The following LINGO2 variants were observed in gnomAD, a reference collection of about 807,000 sequenced individuals.
The protein encoded by LINGO2 is leucine-rich repeat and immunoglobulin-like domain-containing nogo receptor-interacting protein 2.
Under a neutral mutation model 30.6 loss-of-function variants are expected in LINGO2, and 14 were observed. The observed-to-expected ratio is 0.46, with a 90% CI of 0.30 to 0.72. The LOEUF (loss-of-function observed/expected upper bound fraction) is 0.72, where lower values mean the gene tolerates loss of function less well. Among genes scored for constraint, LINGO2 ranks in the 30% least tolerant of loss-of-function variants. The pLI, the probability that LINGO2 is intolerant of heterozygous loss-of-function variation, is 0.07. For missense variants in LINGO2, 729 were observed against 751.7 expected (o/e 0.97, Z 0.35); for synonymous variants, 317 against 288.5 (o/e 1.10, Z -1.00).
intron 4 of LINGO2, among the ~76,000 whole-genome samples, chr9:28,178,088 C>T (rs73645606): frequency 2.0e-5 from 3 of 152,142 alleles, no homozygotes; most frequent in South Asian, 2.1e-4. Context: ...AGCCTACTAT[C>T]GGCCTCCCAT....
At chr9:28,544,358 T>C (rs1008567421) in intron 1 of LINGO2, among the ~76,000 whole-genome samples, 5 of 152,158 alleles carry the variant, frequency 3.3e-5, no homozygotes, top group African/African-American at 1.2e-4. Context: ...ATCATACCTG[T>C]AATGCAGTGA....
the LINGO2 span, among the ~76,000 whole-genome samples, chr9:29,143,866 T>C: frequency 3.3e-5 from 5 of 152,166 alleles, no homozygotes; most frequent in African/African-American, 4.8e-5. Context: ...CTGAATTGTA[T>C]TGCCTAGATT....
intron 4 of LINGO2, among the ~76,000 whole-genome samples, chr9:28,059,163 G>C (rs1825059166): frequency 6.6e-6 from 1 of 152,088 alleles, no homozygotes; most frequent in African/African-American, 2.4e-5. Flanking sequence ...TCTAGCCCTA[G>C]ATCGATTGTA....
At chr9:28,227,354 G>A (rs1821206109) in intron 4 of LINGO2, among the ~76,000 whole-genome samples, 1 of 151,934 alleles carries the variant, frequency 6.6e-6, no homozygotes, top group African/African-American at 2.4e-5. Context: ...GCTGCTCAAG[G>A]AAAGAAAAAG....
chr9:28,265,415 T>A (rs1822713598), intron 4 of LINGO2, among the ~76,000 whole-genome samples: 1 of 152,002 alleles, frequency 6.6e-6, no homozygotes, highest in Admixed American at 6.6e-5. Context: ...TAATACATGA[T>A]TCTAAACTAG....
intron 4 of LINGO2, among the ~76,000 whole-genome samples, chr9:28,046,131 A>C (rs988051441): frequency 2.0e-5 from 3 of 152,220 alleles, no homozygotes; most frequent in Admixed American, 2.0e-4. Context: ...GAAGCCATTT[A>C]TTGGCTAAAA....
intron 4 of LINGO2, among the ~76,000 whole-genome samples, chr9:28,053,412 AAC>A (rs927723947): frequency 1.4e-3 from 220 of 152,230 alleles, no homozygotes; most frequent in African/African-American, 5.0e-3. Flanking sequence ...AGCAAACACA[AAC>A]ACATTTTCTA....
At chr9:28,801,227 A>G in the LINGO2 span, among the ~76,000 whole-genome samples, 1 of 152,128 alleles carries the variant, frequency 6.6e-6, no homozygotes, top group African/African-American at 2.4e-5. Flanking sequence ...ATAAGCCAAC[A>G]GCAATGCAAA....
intron 2 of LINGO2, among the ~76,000 whole-genome samples, chr9:28,414,950 A>G (rs918185337): frequency 1.3e-5 from 2 of 152,162 alleles, no homozygotes; most frequent in African/African-American, 4.8e-5. Context: ...GGTTATTTAA[A>G]TAAACATATA....
the LINGO2 span, among the ~76,000 whole-genome samples, chr9:29,114,438 A>G: frequency 6.7e-6 from 1 of 149,774 alleles, no homozygotes; most frequent in Admixed American, 6.7e-5. Context: ...GTTTTAGGAT[A>G]CATGTGCACA....
chr9:28,744,180 T>C, the LINGO2 span, among the ~76,000 whole-genome samples: 1 of 151,806 alleles, frequency 6.6e-6, no homozygotes, highest in African/African-American at 2.4e-5. Context: ...TACTTTATCT[T>C]TGGTTCTTTT....
At chr9:28,623,893 T>C (rs1826531991) in intron 1 of LINGO2, among the ~76,000 whole-genome samples, 1 of 152,192 alleles carries the variant, frequency 6.6e-6, no homozygotes, top group East Asian at 1.9e-4. Context: ...ATAGTTTTCA[T>C]TGTAAAAATC....
rs141028343 is a variant in LINGO2 at position 28,633,122 on chromosome 9, T to G, written c.-365+37078A>C. Among the ~76,000 whole-genome samples, 89 of 152,028 alleles carry G rather than the reference T, an allele frequency of 5.9e-4. 3 individuals carry two copies. The East Asian group carries it at 0.017, about 29-fold the overall frequency. On this transcript the variant is annotated intron_variant, in intron 1 of 5. Coordinates refer to ENST00000379992, the Ensembl canonical transcript of LINGO2. ...CATCTCTCTCCTTTTCATGTTTTTC[T>G]GCCTGCTTTTTATTCTCTGGAAGCT...
chr9:28,742,194 C>T, the LINGO2 span, among the ~76,000 whole-genome samples: 1 of 151,732 alleles, frequency 6.6e-6, no homozygotes. Context: ...TGGAGTGCAC[C>T]TCTTTTCATG....
rs1210655761 is a variant in LINGO2 at position 28,328,813 on chromosome 9, T to C, written c.-245-33447A>G. Among the ~76,000 whole-genome samples, 6 of 152,180 alleles carry C rather than the reference T, an allele frequency of 3.9e-5. No homozygotes were observed. The East Asian group carries it at 7.7e-4, about 20-fold the overall frequency. ...CTATTTTAGTAAGCCAAGAATATCA[T>C]CTCAATATCATACATTGATCAGGTT... On this transcript the variant is annotated intron_variant, in intron 3 of 5. Coordinates refer to ENST00000379992, the Ensembl canonical transcript of LINGO2.
chr9:29,039,851 A>G, the LINGO2 span, among the ~76,000 whole-genome samples: 11 of 152,310 alleles, frequency 7.2e-5, no homozygotes, highest in Admixed American at 2.6e-4. Flanking sequence ...CAGCAACGGT[A>G]GGACAGGCAC....
the LINGO2 span, among the ~76,000 whole-genome samples, chr9:28,903,517 G>T: frequency 6.6e-6 from 1 of 152,034 alleles, no homozygotes; most frequent in Non-Finnish European, 1.5e-5. Context: ...CCTCTGTCAC[G>T]TAGGTTAGAG....
the LINGO2 span, among the ~76,000 whole-genome samples, chr9:29,177,760 C>T: frequency 2.6e-5 from 4 of 152,018 alleles, no homozygotes; most frequent in African/African-American, 9.7e-5. Context: ...GATTTATCTC[C>T]TAAGGGCCCT....
rs185528574 is a variant in LINGO2, at chr9:28,197,164, G to C, written c.-87+98044C>G. ...TACTTATATCAAAGCATCACATGTA[G>C]CCCATGAATACATACAACTAGTATG... On this transcript the variant is annotated intron_variant, in intron 4 of 5. Transcript: ENST00000379992. 1.4e-3 allele frequency among the ~76,000 whole-genome samples: 212 copies of C among 151,936 alleles called. 1 individual carries two copies. The highest frequency in any genetic ancestry group is 0.01 in the East Asian group (53 of 5,174).
Sources: allele counts gnomAD v4.1 joint callset (sites outside exome capture counted in the v4.1 genomes callset), GRCh38; gene constraint gnomAD v4.1.1; transcripts MANE v1.5; gene names NCBI Gene and HGNC (gene_info 2026-07-23, HGNC 2026-07-21).